Variants in RBPJL observed in about 807,000 individuals in gnomAD.
RBPJL encodes recombining binding protein suppressor of hairless-like protein.
In RBPJL, 50 loss-of-function variants were observed where a neutral mutation model predicts 57.6. The ratio of observed to expected loss-of-function variants is 0.87; its 90% CI spans 0.69 to 1.10. The LOEUF is 1.10. Among genes scored for constraint, RBPJL ranks in the 50% least tolerant of loss-of-function variants. The probability of loss-of-function intolerance (pLI) is 0.00; values close to 1 mark genes in which losing one functional copy is unlikely to be tolerated. For synonymous variants in RBPJL, 303 were observed against 294.4 expected (o/e 1.03, Z -0.30); for missense variants, 684 against 693.7 (o/e 0.99, Z 0.16).
intron 5 of RBPJL, 133 bp from the exon 6 acceptor site, chr20:45,312,088 C>G: frequency 6.7e-7 from 1 of 1,491,462 alleles, no homozygotes; most frequent in Non-Finnish European, 9.3e-7. Flanking sequence ...TGCCTTAAGG[C>G]CGAGCCTGAG....
intron 3 of RBPJL, 40 bp from the exon 4 acceptor site, chr20:45,311,549 G>A (rs1987166620): frequency 1.2e-6 from 2 of 1,600,546 alleles, no homozygotes; most frequent in Non-Finnish European, 1.7e-6. Flanking sequence ...GAGCCAAGTG[G>A]AGATGGATGC....
chr20:45,311,451 T>G (rs1987160971), intron 3 of RBPJL, 138 bp from the exon 4 acceptor site: 2 of 732,844 alleles, frequency 2.7e-6, no homozygotes, highest in Non-Finnish European at 4.7e-6. Context: ...GAATGGGGTT[T>G]ACAGTCGTGA....
At chr20:45,309,717 A>C in intron 3 of RBPJL, 25 bp downstream of exon 3, 1 of 1,612,558 alleles carries the variant, frequency 6.2e-7, no homozygotes, top group Non-Finnish European at 8.5e-7. Context: ...AGCCCCTCCC[A>C]GGTCTCTGCA....
In RBPJL at chr20:45,313,944, G is replaced by A. The variant is rs2145693902; in HGVS notation, c.758-91G>A. The A allele has an allele frequency of 6.6e-6, 6 of 911,252 alleles. No homozygotes were observed. The East Asian group carries it at 1.2e-4, about 18-fold the overall frequency. 56.4% of individuals were successfully genotyped at this position (911,252 alleles called of 1,614,324 possible). Reference sequence around the variant, plus strand: ...CTTTCCCGCAGGGCCCATGTGTGATGTGAGGAAGAGCCAGAGGCAACAAGG... The same window carrying A: ...CTTTCCCGCAGGGCCCATGTGTGATATGAGGAAGAGCCAGAGGCAACAAGG... On this transcript the variant is annotated intron_variant, in intron 7 of 11. Coordinates refer to ENST00000343694, the MANE Select transcript of RBPJL (RefSeq NM_014276.4).
In RBPJL at chr20:45,313,558, C is replaced by A. The variant is rs768073324; in HGVS notation, c.710C>A (p.Ala237Asp). The A allele has an allele frequency of 1.2e-6, 2 of 1,613,946 alleles. No individual in the cohort carries two copies. ...STRYLSVEDG[A>D]FVASARQWAA... ...CGCTACCTCTCTGTGGAGGATGGGGCCTTTGTGGCCAGTGCACGACAGTGG... is the reference window on the plus strand; with the variant it reads ...CGCTACCTCTCTGTGGAGGATGGGGACTTTGTGGCCAGTGCACGACAGTGG... Residue 237 changes from alanine to aspartate, a missense_variant, in exon 7 of 12, where the codon GCC becomes GAC. Transcript: ENST00000343694.
intron 6 of RBPJL, among the ~76,000 whole-genome samples, chr20:45,312,855 A>G (rs1230192974): frequency 6.6e-6 from 1 of 151,746 alleles, no homozygotes; most frequent in Non-Finnish European, 1.5e-5. Context: ...AAGAAAAAGA[A>G]AAATTAGCCT....
At position 45,316,814 on chromosome 20, in the gene RBPJL, C is replaced by A. The variant is rs760954854; in HGVS notation, c.1409C>A (p.Ala470Asp). 2.9e-5 allele frequency: 46 copies of A among 1,613,832 alleles called. No homozygotes were observed. Among genetic ancestry groups the A allele is most frequent in the Non-Finnish European group, 3.8e-5 (45 of 1,179,870 alleles). Residue 470 changes from alanine to aspartate, a missense_variant, in exon 12 of 12, where the codon GCC becomes GAC. By Grantham distance (126) the Ala-to-Asp change is moderately radical (BLOSUM62 -2). Transcript: ENST00000343694. ...VRADGLFYPS[A>D]FSFTYTPEYS... Reference sequence around the variant, plus strand: ...GCCGACGGGCTCTTCTACCCTAGTGCCTTCTCCTTCACCTACACCCCGGAA... The same window carrying A: ...GCCGACGGGCTCTTCTACCCTAGTGACTTCTCCTTCACCTACACCCCGGAA...
At chr20:45,314,195 G>A (rs1272724564) in intron 8 of RBPJL, 51 bp downstream of exon 8, 2 of 1,502,600 alleles carry the variant, frequency 1.3e-6, no homozygotes, top group Admixed American at 3.4e-5. Context: ...TCCATGCAGA[G>A]AATGTGGCAC....
intron 3 of RBPJL, among the ~76,000 whole-genome samples, chr20:45,310,312 G>A (rs1987095194): frequency 6.6e-6 from 1 of 152,074 alleles, no homozygotes; most frequent in South Asian, 2.1e-4. Context: ...GCTACAATTA[G>A]AAGGAACAGA....
Position 45,317,191 on chromosome 20 carries a change from A to G in RBPJL, c.*232A>G. 1 of 578,728 alleles carries G rather than the reference A, an allele frequency of 1.7e-6. No individual in the cohort carries two copies. Among genetic ancestry groups the G allele is most frequent in the Non-Finnish European group, 3.0e-6 (1 of 328,188 alleles). 35.8% of individuals were successfully genotyped at this position (578,728 alleles called of 1,614,324 possible). ...GGTGCTGTCTTTGTGTCCGTCGTGT[A>G]TGGCTCTCCCTGTCTTCATTTCTTC... On this transcript the variant is annotated 3_prime_UTR_variant, in exon 12 of 12. Transcript: ENST00000343694.
intron 9 of RBPJL, 69 bp downstream of exon 9, chr20:45,314,634 GATC>G (rs1987366861): frequency 6.8e-7 from 1 of 1,475,858 alleles, no homozygotes; most frequent in Admixed American, 1.8e-5. Flanking sequence ...CAGAATGTAA[GATC>G]ATCACCCTCA....
At chr20:45,311,758 C>T (rs554500472) in intron 4 of RBPJL, 81 bp from the exon 5 acceptor site, 11 of 1,544,900 alleles carry the variant, frequency 7.1e-6, no homozygotes, top group East Asian at 2.3e-5. Context: ...TCTCCCCGCG[C>T]CCTCTGGCGG....
At chr20:45,313,702 T>C in intron 7 of RBPJL, 97 bp downstream of exon 7, 2 of 1,299,222 alleles carry the variant, frequency 1.5e-6, no homozygotes, top group Non-Finnish European at 2.1e-6. Flanking sequence ...CTCTGCCCCA[T>C]GTGATTAAGG....
At chr20:45,313,747 G>T in intron 7 of RBPJL, 142 bp downstream of exon 7, 1 of 898,106 alleles carries the variant, frequency 1.1e-6, no homozygotes, top group East Asian at 2.7e-5. Context: ...TACAGTCCCA[G>T]TGAGCTGGTG....
intron 2 of RBPJL, among the ~76,000 whole-genome samples, chr20:45,309,199 C>G (rs1987007341): frequency 6.6e-6 from 1 of 152,092 alleles, no homozygotes; most frequent in Admixed American, 6.5e-5. Context: ...CTAAAATACT[C>G]TTCTCCATCC....
intron 6 of RBPJL, 131 bp from the exon 7 acceptor site, chr20:45,313,337 A>G (rs984656103): frequency 1.3e-5 from 8 of 619,910 alleles, no homozygotes; most frequent in Non-Finnish European, 2.1e-5. Context: ...TCTAACCCTC[A>G]CCCTAATCCT....
chr20:45,309,451 C>A, intron 2 of RBPJL, 116 bp from the exon 3 acceptor site: 1 of 1,112,552 alleles, frequency 9.0e-7, no homozygotes, highest in Non-Finnish European at 1.2e-6. Context: ...GCCCCACCCT[C>A]CCACTCACTC....
chr20:45,307,928 T>A (rs1986877028), intron 1 of RBPJL, among the ~76,000 whole-genome samples: 1 of 151,962 alleles, frequency 6.6e-6, no homozygotes, highest in Non-Finnish European at 1.5e-5. Flanking sequence ...GTAAATAAAT[T>A]CTCAAAAGTC....
At chr20:45,312,985 G>C (rs1987264425) in intron 6 of RBPJL, among the ~76,000 whole-genome samples, 1 of 150,878 alleles carries the variant, frequency 6.6e-6, no homozygotes, top group Non-Finnish European at 1.5e-5. Flanking sequence ...TCCAGCCTGG[G>C]TGACAGGGTG....
Sources: gnomAD v4.1 joint callset for allele counts (sites outside exome capture counted in the v4.1 genomes callset) on GRCh38, gnomAD v4.1.1 for gene constraint, MANE v1.5 for transcripts, NCBI Gene and HGNC (gene_info 2026-07-23, HGNC 2026-07-21) for gene names.